PDE1A: variants seen among roughly 807,000 people sequenced by gnomAD.
PDE1A encodes dual specificity calcium/calmodulin-dependent 3',5'-cyclic nucleotide phosphodiesterase 1A.
A neutral mutation model predicts 61.7 loss-of-function variants in PDE1A; 35 were observed. The observed-to-expected ratio is 0.57, with a 90% CI of 0.43 to 0.75. The LOEUF (loss-of-function observed/expected upper bound fraction) is 0.75. Ranked by LOEUF, PDE1A falls within the 30% of genes least tolerant of loss-of-function variation. The pLI is 0.00. For missense variants in PDE1A, 597 were observed against 630.6 expected (o/e 0.95, Z 0.57); for synonymous variants, 232 against 213.2 (o/e 1.09, Z -0.77).
chr2:182,525,795 C>A (rs906392450), upstream of PDE1A, among the ~76,000 whole-genome samples: 1 of 152,112 alleles, frequency 6.6e-6, no homozygotes, highest in Non-Finnish European at 1.5e-5. Context: ...AATTTTAATT[C>A]TTTAGCCAGT....
chr2:182,321,678 T>C (rs1696702638), intron 1 of PDE1A, among the ~76,000 whole-genome samples: 1 of 152,148 alleles, frequency 6.6e-6, no homozygotes. Context: ...ATCTTGGCCT[T>C]TACAGTGGTT....
At chr2:182,692,359 G>T in the PDE1A span, among the ~76,000 whole-genome samples, 2 of 152,142 alleles carry the variant, frequency 1.3e-5, no homozygotes, top group Non-Finnish European at 2.9e-5. Context: ...ATGAGTTCAT[G>T]TCCTTTGTAG....
chr2:182,486,920 T>C (rs1688059484), intron 2 of PDE1A, among the ~76,000 whole-genome samples: 1 of 152,114 alleles, frequency 6.6e-6, no homozygotes, highest in Non-Finnish European at 1.5e-5. Context: ...AATGATAAAT[T>C]TGACTTCATT....
At chr2:182,373,222 T>C (rs906339957) in intron 1 of PDE1A, among the ~76,000 whole-genome samples, 3 of 152,192 alleles carry the variant, frequency 2.0e-5, no homozygotes, top group Admixed American at 6.6e-5. Flanking sequence ...AACCAATTAC[T>C]ATCCAATCTG....
the PDE1A span, among the ~76,000 whole-genome samples, chr2:182,682,489 A>C: frequency 3.9e-5 from 6 of 152,288 alleles, no homozygotes; most frequent in African/African-American, 1.4e-4. Flanking sequence ...AGTAAGTTTC[A>C]GTTCCTTGAT....
chr2:182,240,941 G>T (rs1385931721), intron 2 of PDE1A, among the ~76,000 whole-genome samples: 1 of 152,080 alleles, frequency 6.6e-6, no homozygotes, highest in Non-Finnish European at 1.5e-5. Flanking sequence ...TGTTTAAAGC[G>T]CATTTCAGGT....
At chr2:182,354,610 A>G (rs574726533) in intron 1 of PDE1A, among the ~76,000 whole-genome samples, 1 of 152,280 alleles carries the variant, frequency 6.6e-6, no homozygotes, top group South Asian at 2.1e-4. Context: ...AAAAACATCT[A>G]TGGCAACAAG....
chr2:182,514,550 C>T (rs759649168), intron 2 of PDE1A, among the ~76,000 whole-genome samples: 9 of 152,100 alleles, frequency 5.9e-5, no homozygotes, highest in Non-Finnish European at 8.8e-5. Flanking sequence ...ACAAAGTCAA[C>T]GATAACAAAC....
At chr2:182,699,685 G>C in the PDE1A span, among the ~76,000 whole-genome samples, 70 of 152,308 alleles carry the variant, frequency 4.6e-4, no homozygotes, top group African/African-American at 1.7e-3. Context: ...GCCATTCTGA[G>C]CTGTAAAAAT....
chr2:182,338,593 C>T (rs777015821), intron 1 of PDE1A, among the ~76,000 whole-genome samples: 1 of 150,620 alleles, frequency 6.6e-6, no homozygotes, highest in Admixed American at 6.6e-5. Context: ...GGTGTGATCT[C>T]GGCTCACTGC....
the PDE1A span, among the ~76,000 whole-genome samples, chr2:182,681,239 T>C: frequency 6.6e-6 from 1 of 152,076 alleles, no homozygotes; most frequent in African/African-American, 2.4e-5. Flanking sequence ...AAACTGAAGT[T>C]TGATACAATA....
At chr2:182,455,350 G>A (rs1004432752) in intron 2 of PDE1A, among the ~76,000 whole-genome samples, 3 of 152,070 alleles carry the variant, frequency 2.0e-5, no homozygotes, top group African/African-American at 2.4e-5. Context: ...TCAGTGTGGC[G>A]ATTCCTCAGG....
chr2:182,170,397 C>A (rs1692091288), intron 13 of PDE1A, among the ~76,000 whole-genome samples: 1 of 152,016 alleles, frequency 6.6e-6, no homozygotes, highest in East Asian at 1.9e-4. Context: ...TATAACTAAT[C>A]TTATGAGCAC....
chr2:182,317,131 T>C (rs12470644), intron 1 of PDE1A, among the ~76,000 whole-genome samples: 55,601 of 152,082 alleles, frequency 0.37, 12,242 homozygotes, highest in Non-Finnish European at 0.48. Flanking sequence ...AAACCAGATG[T>C]TAGCACTCAC....
At chr2:182,426,840 G>C in exon 1 of PDE1A, 1 of 1,383,442 alleles carries the variant, frequency 7.2e-7, no homozygotes, top group Non-Finnish European at 9.3e-7. Context: ...AGGCACGTTG[G>C]GGCACTCCCC....
chr2:182,371,553 A>G lies in PDE1A; in HGVS notation c.53+55025T>C, dbSNP rs547463473. 1.1e-4 allele frequency among the ~76,000 whole-genome samples: 16 copies of G among 152,298 alleles called. No homozygotes were observed. The South Asian group carries it at 3.3e-3, about 32-fold the overall frequency. On this transcript the variant is annotated intron_variant, in intron 1 of 13. Coordinates refer to ENST00000351439, the Ensembl canonical transcript of PDE1A. Reference sequence around the variant, plus strand: ...TAGGCAGAAGAATTGACACATTTACAATTTTGCCCTAATAGACATTTTTAA... The same window carrying G: ...TAGGCAGAAGAATTGACACATTTACGATTTTGCCCTAATAGACATTTTTAA...
intron 2 of PDE1A, among the ~76,000 whole-genome samples, chr2:182,441,272 G>A (rs1289722625): frequency 6.6e-6 from 1 of 151,924 alleles, no homozygotes; most frequent in Non-Finnish European, 1.5e-5. Flanking sequence ...CACAATTCAA[G>A]GTGAGATTTG....
the PDE1A span, among the ~76,000 whole-genome samples, chr2:182,616,677 C>A: frequency 6.6e-6 from 1 of 152,240 alleles, no homozygotes; most frequent in Non-Finnish European, 1.5e-5. Flanking sequence ...AGCATCTTTG[C>A]TAGGCAGTTT....
the PDE1A span, among the ~76,000 whole-genome samples, chr2:182,697,542 T>C: frequency 6.6e-6 from 1 of 152,216 alleles, no homozygotes; most frequent in Non-Finnish European, 1.5e-5. Context: ...CCCCTCTCCA[T>C]AGAACTATGT....
Sources: gnomAD v4.1 joint callset for allele counts (sites outside exome capture counted in the v4.1 genomes callset) on GRCh38, gnomAD v4.1.1 for gene constraint, MANE v1.5 for transcripts, NCBI Gene and HGNC (gene_info 2026-07-23, HGNC 2026-07-21) for gene names.